The following FARS2 variants were observed in gnomAD, a reference collection of about 807,000 sequenced individuals.
FARS2 encodes the protein phenylalanine--tRNA ligase, mitochondrial.
Under a neutral mutation model 46.4 loss-of-function variants are expected in FARS2, and 40 were observed. The observed-to-expected ratio is 0.86, with a 90% CI of 0.67 to 1.12. The LOEUF (loss-of-function observed/expected upper bound fraction) is 1.12, where lower values mean the gene tolerates loss of function less well. FARS2 is among the 50% of genes most tolerant of loss of function. The pLI, the probability that FARS2 is intolerant of heterozygous loss-of-function variation, is 0.00. For synonymous variants in FARS2, 234 were observed against 214.9 expected (o/e 1.09, Z -0.78); for missense variants, 513 against 567.9 (o/e 0.90, Z 0.98).
Position 5,343,368 on chromosome 6 carries a change from C to G in FARS2, c.-21-25182C>G, listed in dbSNP as rs999094684. Reference sequence around the variant, plus strand: ...CTGGGATTACAGGTGCACGCCACCACGCCCAGCTAATTTTTGTATTTTTAG... The same window carrying G: ...CTGGGATTACAGGTGCACGCCACCAGGCCCAGCTAATTTTTGTATTTTTAG... On this transcript the variant is annotated intron_variant, in intron 1 of 6. Transcript: ENST00000274680. This position sits in a 1 kb window ranked among gnomAD's most constrained non-coding sequence, Gnocchi z 4.5. Among the ~76,000 whole-genome samples the G allele has an allele frequency of 6.6e-6, 1 of 152,086 alleles. No individual in the cohort carries two copies. Among genetic ancestry groups the G allele is most frequent in the South Asian group, 2.1e-4 (1 of 4,826 alleles).
intron 1 of FARS2, among the ~76,000 whole-genome samples, chr6:5,340,004 G>A (rs1771442063): frequency 6.6e-6 from 1 of 152,160 alleles, no homozygotes; most frequent in Non-Finnish European, 1.5e-5. Flanking sequence ...TGTGGCTATG[G>A]GTGGTTGGCC....
At chr6:5,358,816 A>G (rs1283494108) in intron 1 of FARS2, among the ~76,000 whole-genome samples, 1 of 152,034 alleles carries the variant, frequency 6.6e-6, no homozygotes, top group Non-Finnish European at 1.5e-5. Flanking sequence ...TTTTGGAACT[A>G]AGTACTATGA....
intron 4 of FARS2, among the ~76,000 whole-genome samples, chr6:5,502,839 A>C (rs1219412614): frequency 6.6e-6 from 1 of 152,206 alleles, no homozygotes; most frequent in Non-Finnish European, 1.5e-5. Context: ...TGATCCTGCC[A>C]ATTTTATATC....
chr6:5,642,752 C>G (rs954406892), intron 6 of FARS2, among the ~76,000 whole-genome samples: 2 of 152,222 alleles, frequency 1.3e-5, no homozygotes, highest in Non-Finnish European at 1.5e-5. Context: ...AAGAAGGACA[C>G]ACTTGAAATG....
intron 6 of FARS2, among the ~76,000 whole-genome samples, chr6:5,646,842 T>C (rs963974049): frequency 6.6e-6 from 1 of 152,254 alleles, no homozygotes; most frequent in African/African-American, 2.4e-5. Flanking sequence ...ACCATCTTTT[T>C]CTTTTTTCAA....
At chr6:5,407,068 A>ATATATATATATATATATATATATAT (rs1562017961) in intron 3 of FARS2, among the ~76,000 whole-genome samples, 18 of 42,872 alleles carry the variant, frequency 4.2e-4, no homozygotes, top group Non-Finnish European at 2.8e-4. Flanking sequence ...TATATATATA[A>ATATATATATATATATATATATATAT]TGACCAATAA....
the FARS2 span, among the ~76,000 whole-genome samples, chr6:5,253,094 A>C: frequency 4.6e-5 from 7 of 152,208 alleles, no homozygotes; most frequent in Non-Finnish European, 2.9e-5. Flanking sequence ...TAGGAGGCTC[A>C]TTTTGATCTG....
chr6:5,726,269 C>G (rs188673554), intron 6 of FARS2, among the ~76,000 whole-genome samples: 1 of 152,076 alleles, frequency 6.6e-6, no homozygotes, highest in South Asian at 2.1e-4. Context: ...GCTGCCCACG[C>G]GTAGACTTGG....
At chr6:5,598,145 G>C (rs183944769) in intron 5 of FARS2, among the ~76,000 whole-genome samples, 1 of 152,060 alleles carries the variant, frequency 6.6e-6, no homozygotes, top group Non-Finnish European at 1.5e-5. Context: ...CTAGCACTTC[G>C]GGAGGCCAAG....
At chr6:5,415,475 C>A (rs563089835) in intron 3 of FARS2, among the ~76,000 whole-genome samples, 4 of 151,502 alleles carry the variant, frequency 2.6e-5, no homozygotes, top group African/African-American at 9.7e-5. Flanking sequence ...CGCCACCACG[C>A]CTAGGTAATT....
At chr6:5,360,812 A>C (rs1355734519) in intron 1 of FARS2, among the ~76,000 whole-genome samples, 2 of 152,300 alleles carry the variant, frequency 1.3e-5, no homozygotes, top group East Asian at 3.9e-4. Context: ...TACAGTTTAA[A>C]ATTTATGATG....
intron 4 of FARS2, among the ~76,000 whole-genome samples, chr6:5,514,694 C>G (rs1768676985): frequency 6.6e-6 from 1 of 152,130 alleles, no homozygotes; most frequent in East Asian, 1.9e-4. Context: ...ACTGACATCC[C>G]TTGACATCCC....
intron 3 of FARS2, among the ~76,000 whole-genome samples, 167 bp downstream of exon 3, chr6:5,404,868 C>T (rs1018311904): frequency 4.0e-5 from 6 of 149,510 alleles, no homozygotes; most frequent in Non-Finnish European, 7.4e-5. Flanking sequence ...GGTGCGATCT[C>T]GGCTCACTGC....
chr6:5,408,466 A>G (rs1425223312), intron 3 of FARS2, among the ~76,000 whole-genome samples: 1 of 152,230 alleles, frequency 6.6e-6, no homozygotes, highest in African/African-American at 2.4e-5. Flanking sequence ...AATGATTGAC[A>G]GTAGACTCTT....
chr6:5,494,251 T>G (rs1372396490), intron 4 of FARS2, among the ~76,000 whole-genome samples: 1 of 152,082 alleles, frequency 6.6e-6, no homozygotes, highest in African/African-American at 2.4e-5. Context: ...AAAGTAAAAT[T>G]CTATGTTTTA....
intron 1 of FARS2, among the ~76,000 whole-genome samples, chr6:5,294,564 C>T (rs1404337108): frequency 6.6e-6 from 1 of 152,204 alleles, no homozygotes; most frequent in Admixed American, 6.5e-5. Flanking sequence ...CTGTCCCCCT[C>T]GCTCCCTGAC....
intron 1 of FARS2, among the ~76,000 whole-genome samples, chr6:5,294,127 A>C (rs1467648319): frequency 6.6e-6 from 1 of 152,216 alleles, no homozygotes; most frequent in Non-Finnish European, 1.5e-5. Context: ...TAATTCAGGA[A>C]CAGGTGCCCT....
chr6:5,458,207 G>A (rs1446438610), intron 4 of FARS2: 1 of 152,446 alleles, frequency 6.6e-6, no homozygotes. Context: ...GTTTAGTCCT[G>A]TGTAATCATT....
At chr6:5,632,684 T>C (rs145124506) in intron 6 of FARS2, among the ~76,000 whole-genome samples, 90 of 147,970 alleles carry the variant, frequency 6.1e-4, no homozygotes, top group African/African-American at 2.2e-3. Context: ...TCCTAATGAG[T>C]GTGAAGTGGT....
Sources: allele counts gnomAD v4.1 joint callset (sites outside exome capture counted in the v4.1 genomes callset), GRCh38; gene constraint gnomAD v4.1.1; non-coding constraint Gnocchi (gnomAD v3.1); transcripts MANE v1.5; gene names NCBI Gene and HGNC (gene_info 2026-07-23, HGNC 2026-07-21).